The following SEMA6D variants were observed in gnomAD, a reference collection of about 807,000 sequenced individuals.
SEMA6D encodes semaphorin 6D.
SEMA6D carries 35 observed loss-of-function variants against 106.6 expected under a neutral mutation model. The ratio of observed to expected loss-of-function variants is 0.33; its 90% confidence interval spans 0.25 to 0.44. The LOEUF is 0.44. SEMA6D is among the 20% of genes least tolerant of loss of function. The pLI is 1.00. For missense variants in SEMA6D, 1,185 were observed against 1,345.9 expected, an observed-to-expected ratio of 0.88 and a Z score of 1.87; for synonymous variants, 499 against 487.7, an observed-to-expected ratio of 1.02 and a Z score of -0.31.
intron 3 of SEMA6D, among the ~76,000 whole-genome samples, chr15:47,488,220 G>T (rs2043354674): frequency 6.6e-6 from 1 of 152,072 alleles, no homozygotes; most frequent in Non-Finnish European, 1.5e-5. Context: ...AAATACCAGA[G>T]GAAACATGAA....
intron 1 of SEMA6D, among the ~76,000 whole-genome samples, chr15:47,345,724 GA>G (rs2038018808): frequency 6.6e-6 from 1 of 152,130 alleles, no homozygotes; most frequent in Non-Finnish European, 1.5e-5. Context: ...CTGAGTTAAA[GA>G]AGCCACAGCA....
intron 3 of SEMA6D, among the ~76,000 whole-genome samples, chr15:47,532,836 C>T (rs545291714): frequency 1.3e-5 from 2 of 152,142 alleles, no homozygotes; most frequent in South Asian, 2.1e-4. Flanking sequence ...AGGAAATTCA[C>T]TATATATAAA....
chr15:47,379,316 A>G (rs984783413), intron 1 of SEMA6D, among the ~76,000 whole-genome samples: 2 of 152,346 alleles, frequency 1.3e-5, no homozygotes, highest in Admixed American at 6.5e-5. Flanking sequence ...TATTTAATCC[A>G]TTCAATTAAA....
At chr15:47,292,386 C>G (rs766178311) in intron 1 of SEMA6D, among the ~76,000 whole-genome samples, 1 of 152,068 alleles carries the variant, frequency 6.6e-6, no homozygotes, top group East Asian at 1.9e-4. Flanking sequence ...AAAACGAAGA[C>G]TTAATAAGTT....
intron 1 of SEMA6D, among the ~76,000 whole-genome samples, chr15:47,305,608 C>T (rs1040555638): frequency 2.0e-5 from 3 of 152,222 alleles, no homozygotes; most frequent in East Asian, 3.8e-4. Context: ...TTTTATACTA[C>T]AGTCAATTAA....
At chr15:47,454,502 G>C (rs1238090725) in intron 2 of SEMA6D, among the ~76,000 whole-genome samples, 1 of 151,820 alleles carries the variant, frequency 6.6e-6, no homozygotes, top group African/African-American at 2.4e-5. Context: ...AATGCAATGA[G>C]CTATCTTGAG....
At chr15:47,186,277 C>T (rs540669673) in intron 1 of SEMA6D, among the ~76,000 whole-genome samples, 9 of 152,138 alleles carry the variant, frequency 5.9e-5, no homozygotes, top group African/African-American at 2.2e-4. Context: ...CTCTCTATGA[C>T]GGCAGTCTGA....
chr15:47,357,266 G>A (rs754302789), intron 1 of SEMA6D, among the ~76,000 whole-genome samples: 9 of 152,094 alleles, frequency 5.9e-5, no homozygotes, highest in South Asian at 4.2e-4. Flanking sequence ...CCTGGGGGGC[G>A]GAGCCTGCAG....
At chr15:47,201,321 A>T (rs1894713359) in intron 1 of SEMA6D, among the ~76,000 whole-genome samples, 1 of 152,170 alleles carries the variant, frequency 6.6e-6, no homozygotes, top group Non-Finnish European at 1.5e-5. Flanking sequence ...GGTCTGTTGT[A>T]CTGAGCCCAT....
At chr15:47,691,382 A>G (rs2078583287) in intron 4 of SEMA6D, among the ~76,000 whole-genome samples, 2 of 152,258 alleles carry the variant, frequency 1.3e-5, no homozygotes, top group Admixed American at 1.3e-4. Flanking sequence ...GGTAGGCAGT[A>G]TAAATACTTT....
chr15:47,197,636 GA>G (rs968098041), intron 1 of SEMA6D, among the ~76,000 whole-genome samples: 15 of 150,168 alleles, frequency 1.0e-4, no homozygotes, highest in African/African-American at 2.2e-4. Context: ...AAATTAGTGG[GA>G]AAAAAAAATC....
At chr15:47,642,238 A>G (rs1004773601) in intron 4 of SEMA6D, among the ~76,000 whole-genome samples, 3 of 152,202 alleles carry the variant, frequency 2.0e-5, no homozygotes, top group Non-Finnish European at 4.4e-5. Context: ...GGCATTAACT[A>G]TGGACAATAA....
At chr15:47,253,618 C>T (rs1026251842) in intron 1 of SEMA6D, among the ~76,000 whole-genome samples, 2 of 152,252 alleles carry the variant, frequency 1.3e-5, no homozygotes, top group African/African-American at 2.4e-5. Flanking sequence ...AAAAGACTGT[C>T]TTTTCCCCAA....
intron 1 of SEMA6D, among the ~76,000 whole-genome samples, chr15:47,721,716 G>A (rs765653469): frequency 2.0e-5 from 3 of 151,998 alleles, no homozygotes; most frequent in Admixed American, 1.3e-4. Flanking sequence ...TGTAACCAAG[G>A]GCGATCAAAT....
intron 1 of SEMA6D, among the ~76,000 whole-genome samples, chr15:47,361,948 A>G (rs2038826013): frequency 6.6e-6 from 1 of 152,238 alleles, no homozygotes; most frequent in African/African-American, 2.4e-5. Context: ...AAGAATTCCA[A>G]TTTAATAGAA....
intron 2 of SEMA6D, among the ~76,000 whole-genome samples, chr15:47,428,766 G>T (rs1226647225): frequency 5.3e-5 from 8 of 150,756 alleles, no homozygotes; most frequent in Admixed American, 6.6e-5. Flanking sequence ...ACTCTGTCAA[G>T]GAAAAAAAAA....
chr15:47,663,242 G>T (rs144585679), intron 4 of SEMA6D, among the ~76,000 whole-genome samples: 212 of 152,274 alleles, frequency 1.4e-3, no homozygotes, highest in African/African-American at 4.8e-3. Context: ...ATTCCAGGAG[G>T]AATGTTCCAA....
At chr15:47,568,596 C>A (rs2046295847) in intron 3 of SEMA6D, among the ~76,000 whole-genome samples, 1 of 152,112 alleles carries the variant, frequency 6.6e-6, no homozygotes, top group African/African-American at 2.4e-5. Flanking sequence ...TTAATAATTA[C>A]ATCTCAGGTA....
intron 1 of SEMA6D, among the ~76,000 whole-genome samples, chr15:47,320,842 C>G (rs751634388): frequency 1.3e-5 from 2 of 152,084 alleles, no homozygotes; most frequent in African/African-American, 2.4e-5. Context: ...TTTCCTAACT[C>G]TCCAGCCCGC....
Sources: gnomAD v4.1 joint callset for allele counts (sites outside exome capture counted in the v4.1 genomes callset) on GRCh38, gnomAD v4.1.1 for gene constraint, MANE v1.5 for transcripts, NCBI Gene and HGNC (gene_info 2026-07-23, HGNC 2026-07-21) for gene names.